RPL24: variants seen among roughly 807,000 people sequenced by gnomAD.
RPL24 encodes ribosomal protein L24, also known as large ribosomal subunit protein eL24.
RPL24 carries 7 observed loss-of-function variants against 26.4 expected under a neutral mutation model. That is an observed-to-expected ratio of 0.27 (90% CI 0.15 to 0.50). The LOEUF (loss-of-function observed/expected upper bound fraction) is 0.50, where lower values mean the gene tolerates loss of function less well. Among genes scored for constraint, RPL24 ranks in the 20% least tolerant of loss-of-function variants. The pLI, the probability that RPL24 is intolerant of heterozygous loss-of-function variation, is 0.98. For synonymous variants in RPL24, 67 were observed against 65.2 expected (o/e 1.03, Z -0.13); for missense variants, 109 against 194.9 (o/e 0.56, Z 2.62).
intron 3 of RPL24, among the ~76,000 whole-genome samples, chr3:101,685,190 GAATA>G (rs1937320524): frequency 6.7e-6 from 1 of 149,606 alleles, no homozygotes; most frequent in Non-Finnish European, 1.5e-5. Context: ...TTTTTTTCCT[GAATA>G]GTCACCCTAA....
Position 101,682,409 on chromosome 3 carries a change from T to C in RPL24, c.393+20A>G, listed in dbSNP as rs1688633862. 4 of 1,599,820 alleles carry C rather than the reference T, an allele frequency of 2.5e-6. No homozygotes were observed. The African/African-American group carries it at 4.0e-5, about 16-fold the overall frequency. ...TTTCCTGTTGTATTGTTCAAGAAAG[T>C]AAAGAAACCCCATAATTACCTTAGC... On this transcript the variant is annotated intron_variant, in intron 5 of 5. Coordinates refer to ENST00000394077, the MANE Select transcript of RPL24 (RefSeq NM_000986.4).
chr3:101,682,708 T>A, intron 4 of RPL24, 63 bp downstream of exon 4: 5 of 1,517,518 alleles, frequency 3.3e-6, no homozygotes, highest in Non-Finnish European at 4.5e-6. Flanking sequence ...CTTTAATTAC[T>A]GAAGACCCAA....
At chr3:101,686,061 C>T (rs1937337562) in intron 2 of RPL24, 133 bp from the exon 3 acceptor site, 1 of 627,502 alleles carries the variant, frequency 1.6e-6, no homozygotes, top group Non-Finnish European at 2.8e-6. Context: ...CCACAAGGAC[C>T]AAAAGGCTGT....
At chr3:101,685,071 T>C (rs1470937134) in intron 3 of RPL24, among the ~76,000 whole-genome samples, 2 of 152,026 alleles carry the variant, frequency 1.3e-5, no homozygotes, top group African/African-American at 4.8e-5. Flanking sequence ...TTTTTATGTT[T>C]ACCCTTTTGA....
At chr3:101,683,124 CA>C (rs1937283103) in intron 3 of RPL24, among the ~76,000 whole-genome samples, 1 of 152,060 alleles carries the variant, frequency 6.6e-6, no homozygotes, top group African/African-American at 2.4e-5. Context: ...AAAAGACACA[CA>C]AAAAATTGAA....
chr3:101,683,507 T>C (rs1432767479), intron 3 of RPL24, among the ~76,000 whole-genome samples: 3 of 152,202 alleles, frequency 2.0e-5, no homozygotes, highest in African/African-American at 7.2e-5. Flanking sequence ...ATAAGGCACA[T>C]TGGTGGTTTA....
rs79863424 is a variant in RPL24, at chr3:101,685,300, G to A, written c.192+518C>T. Among the ~76,000 whole-genome samples, 15 of 152,090 alleles carry A rather than the reference G, an allele frequency of 9.9e-5. No homozygotes were observed. The East Asian group carries it at 2.7e-3, about 27-fold the overall frequency. On this transcript the variant is annotated intron_variant, in intron 3 of 5. Coordinates refer to ENST00000394077, the MANE Select transcript of RPL24 (RefSeq NM_000986.4). ...TTTATTTCTCACAATACCTAGAAAA[G>A]TCCTTCATCCAGAAGGTGTTCAGTA...
Position 101,682,829 on chromosome 3 carries a change from T to C in RPL24, c.271A>G (p.Met91Val). 1 of 1,613,080 alleles carries C rather than the reference T, an allele frequency of 6.2e-7. No homozygotes were observed. The highest frequency in any genetic ancestry group is 1.1e-5 in the South Asian group (1 of 91,050). The change falls in exon 4 of 6, where the codon ATG becomes GTG. Residue 91 changes from methionine to valine, a missense_variant. Met to Val is a conservative substitution (Grantham distance 21, BLOSUM62 1). Transcript: ENST00000394077. ...AITGASLADI[M>V]AKRNQKPEVR... The stretch of plus-strand genomic sequence containing the variant: ...TCAGGTTTCTGATTCCTCTTGGCCA[T>C]TATATCAGCAAGAGATGCACCAGTA...
intron 3 of RPL24, among the ~76,000 whole-genome samples, chr3:101,684,625 A>G (rs1402536658): frequency 2.0e-5 from 3 of 151,870 alleles, no homozygotes; most frequent in Non-Finnish European, 4.4e-5. Context: ...CTCAAAATAT[A>G]TTTAAAAAAT....
chr3:101,686,108 G>A (rs1937338115), intron 2 of RPL24, 180 bp from the exon 3 acceptor site: 1 of 587,348 alleles, frequency 1.7e-6, no homozygotes. Flanking sequence ...CACTATGAAG[G>A]TCCTTGCGTT....
chr3:101,686,441 C>G (rs776550273), intron 2 of RPL24, 41 bp downstream of exon 2: 8 of 1,568,752 alleles, frequency 5.1e-6, no homozygotes, highest in Non-Finnish European at 7.0e-6. Context: ...CTTTCCTCCT[C>G]GGAGTACAAG....
Position 101,684,776 on chromosome 3 carries a change from CAAAAAAA to C in RPL24, c.192+1035_192+1041del, listed in dbSNP as rs57278210. On this transcript the variant is annotated intron_variant, in intron 3 of 5. Coordinates refer to ENST00000394077, the MANE Select transcript of RPL24 (RefSeq NM_000986.4). Reference sequence around the variant, plus strand: ...CTGAGCAACAGAGGACCTGTCTCCCCAAAAAAAAAAAAAAAAAAAAAAAAAAAAAAAA... The same window carrying C: ...CTGAGCAACAGAGGACCTGTCTCCCCAAAAAAAAAAAAAAAAAAAAAAAAA... Among the ~76,000 whole-genome samples, 349 of 53,122 alleles carry C rather than the reference CAAAAAAA, an allele frequency of 6.6e-3. 2 individuals carry two copies. The highest frequency in any genetic ancestry group is 0.01 in the African/African-American group (127 of 12,312). The allele number at this position is 53,122 out of a possible 152,430, so 34.9% of individuals were successfully genotyped here.
In RPL24 at chr3:101,682,610, C is replaced by G; in HGVS notation, c.330-118G>C. On this transcript the variant is annotated intron_variant, in intron 4 of 5. Coordinates refer to ENST00000394077, the MANE Select transcript of RPL24 (RefSeq NM_000986.4). ...ACCATATTCCTTCCTTCCCTACCTC[C>G]ATTTATTTGTAGGCTAAATCCAAAG... The G allele has an allele frequency of 2.7e-6, 3 of 1,120,130 alleles. No individual in the cohort carries two copies. The East Asian group carries it at 7.1e-5, about 27-fold the overall frequency. 69.4% of individuals were successfully genotyped at this position (1,120,130 alleles called of 1,614,324 possible).
chr3:101,685,471 T>C lies in RPL24; in HGVS notation c.192+347A>G, dbSNP rs143061273. The stretch of plus-strand genomic sequence containing the variant: ...AACTAGTGTATGGTGGACTGGTTCA[T>C]GGTCCACTGGCTATGTTAGGACTAA... On this transcript the variant is annotated intron_variant, in intron 3 of 5. Coordinates refer to ENST00000394077, the MANE Select transcript of RPL24 (RefSeq NM_000986.4). Among the ~76,000 whole-genome samples the C allele has an allele frequency of 1.4e-3, 207 of 152,314 alleles. 1 individual carries two copies. The highest frequency in any genetic ancestry group is 4.7e-3 in the African/African-American group (197 of 41,566).
At chr3:101,684,682 G>A (rs989839838) in intron 3 of RPL24, among the ~76,000 whole-genome samples, 1 of 149,772 alleles carries the variant, frequency 6.7e-6, no homozygotes, top group Non-Finnish European at 1.5e-5. Flanking sequence ...GGTAGGCGGA[G>A]GTGGGAGGAT....
At chr3:101,682,654 A>C in intron 4 of RPL24, 117 bp downstream of exon 4, 1 of 1,252,994 alleles carries the variant, frequency 8.0e-7, no homozygotes, top group South Asian at 1.3e-5. Flanking sequence ...AATAATTTTC[A>C]TTAACCACCA....
intron 3 of RPL24, among the ~76,000 whole-genome samples, chr3:101,685,060 A>G (rs1261435412): frequency 6.6e-6 from 1 of 152,010 alleles, no homozygotes; most frequent in African/African-American, 2.4e-5. Context: ...TGCTGGGATA[A>G]TTTTTATGTT....
chr3:101,684,082 G>C (rs1937298570), intron 3 of RPL24, among the ~76,000 whole-genome samples: 1 of 151,980 alleles, frequency 6.6e-6, no homozygotes, highest in South Asian at 2.1e-4. Context: ...CAAACTCCTG[G>C]GCTCAAGCTC....
chr3:101,685,141 T>C (rs1664380403), intron 3 of RPL24, among the ~76,000 whole-genome samples: 1 of 152,150 alleles, frequency 6.6e-6, no homozygotes. Context: ...AAGGTTCCAA[T>C]TTCTCCCCAT....
Sources: allele counts gnomAD v4.1 joint callset (sites outside exome capture counted in the v4.1 genomes callset), GRCh38; gene constraint gnomAD v4.1.1; transcripts MANE v1.5; gene names NCBI Gene and HGNC (gene_info 2026-07-23, HGNC 2026-07-21).